Variants in JAK2 observed in about 807,000 individuals in gnomAD.
JAK2 encodes the protein Janus kinase 2.
A neutral mutation model predicts 139.3 loss-of-function variants in JAK2; 86 were observed. That is an observed-to-expected ratio of 0.62 (90% confidence interval 0.52 to 0.74). JAK2 has a LOEUF of 0.74. Ranked by LOEUF, JAK2 falls within the 30% of genes least tolerant of loss-of-function variation. JAK2 has a pLI of 0.00. For missense variants in JAK2, 1,421 were observed against 1,360.3 expected, an observed-to-expected ratio of 1.04 and a Z score of -0.70; for synonymous variants, 490 against 437.7, an observed-to-expected ratio of 1.12 and a Z score of -1.49.
Position 5,054,988 on chromosome 9 carries a change from T to A in JAK2, c.936+104T>A. The A allele has an allele frequency of 1.2e-6, 1 of 809,508 alleles. No individual in the cohort carries two copies. Among genetic ancestry groups the A allele is most frequent in the Non-Finnish European group, 1.9e-6 (1 of 527,390 alleles). The allele number at this position is 809,508 out of a possible 1,614,324, so 50.1% of individuals were successfully genotyped here. On this transcript the variant is annotated intron_variant, in intron 7 of 24. Coordinates refer to ENST00000381652, the MANE Select transcript of JAK2 (RefSeq NM_004972.4). The surrounding 1 kb of genome is among the most constrained non-coding windows in gnomAD (Gnocchi z 4.9). The stretch of plus-strand genomic sequence containing the variant: ...GCAACATGGTATTGCACTTCTCCCA[T>A]TTGATAGAAGTGGAAGTTTTTAATA...
intron 22 of JAK2, among the ~76,000 whole-genome samples, chr9:5,117,081 C>T (rs1823251323): frequency 6.6e-6 from 1 of 152,206 alleles, no homozygotes; most frequent in African/African-American, 2.4e-5. Context: ...GAGGACACGG[C>T]ATTCCTCTCC....
intron 4 of JAK2, among the ~76,000 whole-genome samples, chr9:5,035,060 G>A (rs187873671): frequency 5.9e-5 from 9 of 152,098 alleles, no homozygotes; most frequent in Admixed American, 2.6e-4. Flanking sequence ...ATATCAACCC[G>A]ATCCCACAGA....
chr9:5,007,030 A>G (rs567695150), intron 2 of JAK2, among the ~76,000 whole-genome samples: 2 of 151,574 alleles, frequency 1.3e-5, no homozygotes, highest in East Asian at 3.9e-4. Context: ...TTTTTTCTTG[A>G]TCAGTCTTTC....
At chr9:5,042,042 G>A in intron 4 of JAK2, 1 of 306,688 alleles carries the variant, frequency 3.3e-6, no homozygotes, top group Non-Finnish European at 6.3e-6. Context: ...TGGAAGCCAG[G>A]ACACAGACTG....
At chr9:5,112,706 C>CT in intron 22 of JAK2, 1 of 856,418 alleles carries the variant, frequency 1.2e-6, no homozygotes. Flanking sequence ...GCAGCAAGTG[C>CT]GAGAGCGGAA....
intron 22 of JAK2, chr9:5,112,457 A>G: frequency 1.9e-6 from 1 of 539,568 alleles, no homozygotes; most frequent in East Asian, 3.4e-5. Context: ...AAGGAGCTGA[A>G]GGACCCCCGG....
At chr9:5,005,392 T>C (rs1331051883) in intron 2 of JAK2, among the ~76,000 whole-genome samples, 1 of 152,164 alleles carries the variant, frequency 6.6e-6, no homozygotes, top group African/African-American at 2.4e-5. Flanking sequence ...TGAAAATATT[T>C]TCTCCTGTTT....
At chr9:5,006,779 T>A (rs990164846) in intron 2 of JAK2, among the ~76,000 whole-genome samples, 2 of 152,202 alleles carry the variant, frequency 1.3e-5, no homozygotes, top group Non-Finnish European at 2.9e-5. Context: ...ACACTGAAGA[T>A]CATAATTCAA....
Position 5,054,652 on chromosome 9 carries a change from G to C in JAK2, c.704G>C (p.Arg235Thr), listed in dbSNP as rs2130407715. 6.2e-7 allele frequency: 1 copy of C among 1,613,332 alleles called. No homozygotes were observed. The highest frequency in any genetic ancestry group is 8.5e-7 in the Non-Finnish European group (1 of 1,179,416). The stretch of plus-strand genomic sequence containing the variant: ...AAGCGAATAAGGTACAGATTTCGCA[G>C]ATTTATTCAGCAATTCAGCCAATGC... ...TRKRIRYRFR[R>T]FIQQFSQCKA... The change falls in exon 7 of 25, where the codon AGA (arginine) becomes ACA (threonine). Residue 235 changes from arginine to threonine, a missense_variant. Coordinates refer to ENST00000381652, the MANE Select transcript of JAK2 (RefSeq NM_004972.4). This position sits in a 1 kb window ranked among gnomAD's most constrained non-coding sequence, Gnocchi z 4.9.
At chr9:5,117,393 T>C (rs1333826804) in intron 22 of JAK2, among the ~76,000 whole-genome samples, 1 of 152,218 alleles carries the variant, frequency 6.6e-6, no homozygotes, top group Non-Finnish European at 1.5e-5. Flanking sequence ...AGCTCTACTT[T>C]TGTTATAGAA....
chr9:5,126,173 C>T, intron 23 of JAK2, 160 bp from the exon 24 acceptor site: 1 of 544,536 alleles, frequency 1.8e-6, no homozygotes, highest in Non-Finnish European at 3.2e-6. Flanking sequence ...TATTTAACAG[C>T]CTTATGTTTT....
intron 8 of JAK2, among the ~76,000 whole-genome samples, chr9:5,061,638 C>T (rs1056748073): frequency 6.6e-6 from 1 of 152,180 alleles, no homozygotes; most frequent in Non-Finnish European, 1.5e-5. Context: ...CTGGTTTGAT[C>T]TTCTATCTAG....
chr9:5,015,699 C>G (rs1426108370), intron 2 of JAK2, among the ~76,000 whole-genome samples: 7 of 151,932 alleles, frequency 4.6e-5, no homozygotes, highest in Non-Finnish European at 8.8e-5. Context: ...AAAGCCAATT[C>G]GAGTCACTTA....
intron 22 of JAK2, among the ~76,000 whole-genome samples, chr9:5,093,720 C>G (rs191152362): frequency 1.3e-5 from 2 of 152,242 alleles, no homozygotes; most frequent in South Asian, 2.1e-4. Flanking sequence ...ATCAACAGAA[C>G]AAGTTACCCT....
At chr9:5,100,367 C>G (rs769666242) in intron 22 of JAK2, 34 of 152,182 alleles carry the variant, frequency 2.2e-4, no homozygotes, top group Non-Finnish European at 8.8e-5. Flanking sequence ...CTCTTTTAAC[C>G]CTAGGCCTAT....
chr9:5,038,466 GAAGAA>G (rs1265069406), intron 4 of JAK2, among the ~76,000 whole-genome samples: 3 of 152,150 alleles, frequency 2.0e-5, no homozygotes, highest in South Asian at 2.1e-4. Flanking sequence ...AAGATGTCTA[GAAGAA>G]AAGAAAACTA....
At chr9:4,989,064 T>C (rs1445865747) in intron 2 of JAK2, among the ~76,000 whole-genome samples, 3 of 152,214 alleles carry the variant, frequency 2.0e-5, no homozygotes, top group African/African-American at 7.2e-5. Flanking sequence ...TCCACTCTAA[T>C]ACTCCTTATT....
chr9:5,099,623 A>G (rs1821304160), intron 22 of JAK2: 2 of 152,268 alleles, frequency 1.3e-5, no homozygotes, highest in African/African-American at 4.8e-5. Context: ...CAGCAGTAGT[A>G]TTAATCATTC....
At chr9:5,056,908 G>A (rs1244134976) in intron 8 of JAK2, among the ~76,000 whole-genome samples, 8 of 152,058 alleles carry the variant, frequency 5.3e-5, no homozygotes, top group Non-Finnish European at 7.4e-5. Context: ...TAAGTGGTAG[G>A]GCTATTTAAA....
Sources: gnomAD v4.1 joint callset for allele counts (sites outside exome capture counted in the v4.1 genomes callset) on GRCh38, gnomAD v4.1.1 for gene constraint, Gnocchi (gnomAD v3.1) non-coding constraint, MANE v1.5 for transcripts, NCBI Gene and HGNC (gene_info 2026-07-23, HGNC 2026-07-21) for gene names.